PTPRM: variants seen among roughly 807,000 people sequenced by gnomAD.
PTPRM encodes the protein receptor-type tyrosine-protein phosphatase mu.
Under a neutral mutation model 186.7 loss-of-function variants are expected in PTPRM, and 47 were observed. The observed-to-expected ratio is 0.25, with a 90% CI of 0.20 to 0.32. The LOEUF (loss-of-function observed/expected upper bound fraction) is 0.32, where lower values mean the gene tolerates loss of function less well. PTPRM is among the 10% of genes least tolerant of loss of function. The pLI, the probability that PTPRM is intolerant of heterozygous loss-of-function variation, is 1.00. For missense variants in PTPRM, 1,494 were observed against 1,865.0 expected (o/e 0.80, Z 3.66); for synonymous variants, 668 against 674.9 (o/e 0.99, Z 0.16).
At chr18:7,832,926 T>C (rs1200485212) in intron 2 of PTPRM, among the ~76,000 whole-genome samples, 2 of 152,142 alleles carry the variant, frequency 1.3e-5, no homozygotes, top group Non-Finnish European at 2.9e-5. Flanking sequence ...ATGAGTATAC[T>C]GTAGGTCTGT....
chr18:8,143,454 A>G (rs2092810089), intron 13 of PTPRM, among the ~76,000 whole-genome samples, 193 bp from the exon 14 acceptor site: 1 of 152,236 alleles, frequency 6.6e-6, no homozygotes, highest in Non-Finnish European at 1.5e-5. Context: ...GTTTAGTAAA[A>G]TATTGAAGAA....
At chr18:8,124,803 A>G (rs1362800613) in intron 13 of PTPRM, among the ~76,000 whole-genome samples, 2 of 152,166 alleles carry the variant, frequency 1.3e-5, no homozygotes, top group Non-Finnish European at 2.9e-5. Flanking sequence ...CCAGAAGCCA[A>G]TAGAAGATAT....
At chr18:8,281,224 T>C (rs931747787) in intron 19 of PTPRM, among the ~76,000 whole-genome samples, 2 of 152,350 alleles carry the variant, frequency 1.3e-5, no homozygotes, top group East Asian at 1.9e-4. Flanking sequence ...CTCCCTTTCA[T>C]GTTTTAGTGT....
intron 2 of PTPRM, among the ~76,000 whole-genome samples, chr18:7,829,821 C>T (rs2045669978): frequency 6.6e-6 from 1 of 151,866 alleles, no homozygotes; most frequent in Non-Finnish European, 1.5e-5. Flanking sequence ...ATTGGAATCT[C>T]CCTCCCTCTC....
At chr18:7,659,439 C>T (rs770625318) in intron 1 of PTPRM, among the ~76,000 whole-genome samples, 1 of 152,188 alleles carries the variant, frequency 6.6e-6, no homozygotes, top group Non-Finnish European at 1.5e-5. Context: ...TAGGCACTTA[C>T]CTGCAGTCTA....
intron 23 of PTPRM, among the ~76,000 whole-genome samples, chr18:8,367,595 G>A (rs2095639491): frequency 6.6e-6 from 1 of 152,268 alleles, no homozygotes; most frequent in South Asian, 2.1e-4. Context: ...GGCTTCATCC[G>A]GCCGCGGGGG....
At position 8,114,771 on chromosome 18, in the gene PTPRM, C is replaced by A; in HGVS notation, c.2131-20C>A. ...AAGAAAACATGAATAATGATTTTTC[C>A]CTCTCTTTATTTGACACAGGAAACC... On this transcript the variant is annotated intron_variant, in intron 12 of 32. Transcript: ENST00000580170. 1 of 1,587,072 alleles carries A rather than the reference C, an allele frequency of 6.3e-7. No homozygotes were observed. The highest frequency in any genetic ancestry group is 8.6e-7 in the Non-Finnish European group (1 of 1,162,816).
chr18:8,259,458 T>G (rs904356282), intron 19 of PTPRM, among the ~76,000 whole-genome samples: 2 of 152,184 alleles, frequency 1.3e-5, no homozygotes, highest in African/African-American at 4.8e-5. Context: ...TAGCTCCTTT[T>G]AGGTCTTTTT....
At chr18:7,928,739 G>A (rs2051316345) in intron 5 of PTPRM, among the ~76,000 whole-genome samples, 1 of 152,172 alleles carries the variant, frequency 6.6e-6, no homozygotes, top group Admixed American at 6.5e-5. Context: ...CCTTAACAGA[G>A]TCATCTTAGA....
chr18:8,071,105 T>C (rs2089446387), intron 8 of PTPRM, among the ~76,000 whole-genome samples: 2 of 152,156 alleles, frequency 1.3e-5, no homozygotes, highest in South Asian at 4.1e-4. Context: ...CTGCTTGTGT[T>C]GGTTCCTCTC....
At chr18:8,085,547 G>C (rs1217144365) in intron 9 of PTPRM, 124 bp from the exon 10 acceptor site, 1 of 804,648 alleles carries the variant, frequency 1.2e-6, no homozygotes, top group Non-Finnish European at 2.0e-6. Context: ...AGGATTTCAA[G>C]AGTCTGAGTA....
At chr18:7,874,060 C>G (rs904001088) in intron 2 of PTPRM, among the ~76,000 whole-genome samples, 1 of 151,354 alleles carries the variant, frequency 6.6e-6, no homozygotes, top group Non-Finnish European at 1.5e-5. Flanking sequence ...AGGATCAGAA[C>G]AAGCTGCAGA....
intron 1 of PTPRM, among the ~76,000 whole-genome samples, chr18:7,618,209 T>G (rs1272919484): frequency 6.6e-6 from 1 of 152,202 alleles, no homozygotes; most frequent in East Asian, 1.9e-4. Context: ...AGTGCACATT[T>G]CAATAGACCG....
At chr18:8,265,898 C>T (rs1019759785) in intron 19 of PTPRM, among the ~76,000 whole-genome samples, 5 of 152,048 alleles carry the variant, frequency 3.3e-5, no homozygotes, top group African/African-American at 4.8e-5. Flanking sequence ...GTTTCATGGG[C>T]GTATTCTCAT....
intron 27 of PTPRM, 92 bp downstream of exon 27, chr18:8,378,506 A>G: frequency 6.7e-7 from 1 of 1,482,888 alleles, no homozygotes; most frequent in South Asian, 1.3e-5. Context: ...TTGAATCACA[A>G]GGTTCCTTGG....
intron 14 of PTPRM, among the ~76,000 whole-genome samples, chr18:8,243,247 A>G (rs1248262589): frequency 6.6e-6 from 1 of 152,204 alleles, no homozygotes; most frequent in Non-Finnish European, 1.5e-5. Context: ...CTATGTCTCC[A>G]AAAGAATTAG....
At chr18:8,293,824 A>C (rs1429021363) in intron 19 of PTPRM, among the ~76,000 whole-genome samples, 1 of 152,230 alleles carries the variant, frequency 6.6e-6, no homozygotes, top group East Asian at 1.9e-4. Context: ...TCTAGATGGA[A>C]TCAACTAGCG....
chr18:8,403,104 T>A (rs902465344), intron 32 of PTPRM: 4 of 152,236 alleles, frequency 2.6e-5, no homozygotes, highest in Non-Finnish European at 2.9e-5. Flanking sequence ...ATGTCGGGGA[T>A]GGTTAATAGG....
chr18:8,326,257 T>C (rs2095375476), intron 22 of PTPRM, among the ~76,000 whole-genome samples: 1 of 152,110 alleles, frequency 6.6e-6, no homozygotes, highest in South Asian at 2.1e-4. Flanking sequence ...CAGCGAGAAC[T>C]ACAAAACACT....
Sources: allele counts gnomAD v4.1 joint callset (sites outside exome capture counted in the v4.1 genomes callset), GRCh38; gene constraint gnomAD v4.1.1; transcripts MANE v1.5; gene names NCBI Gene and HGNC (gene_info 2026-07-23, HGNC 2026-07-21).